The following POC5 variants were observed in gnomAD, a reference collection of about 807,000 sequenced individuals.
POC5 encodes POC5 centriolar protein.
In POC5, 48 loss-of-function variants were observed where a neutral mutation model predicts 62.9. That is an observed-to-expected ratio of 0.76 (90% CI 0.61 to 0.97). The LOEUF (loss-of-function observed/expected upper bound fraction) is 0.97. POC5 is among the 50% of genes least tolerant of loss of function. POC5 has a pLI of 0.00. For missense variants in POC5, 696 were observed against 679.5 expected (o/e 1.02, Z -0.27); for synonymous variants, 236 against 228.2 (o/e 1.03, Z -0.31).
chr5:75,688,233 C>G (rs936962020), intron 9 of POC5, among the ~76,000 whole-genome samples: 2 of 152,194 alleles, frequency 1.3e-5, no homozygotes, highest in Non-Finnish European at 2.9e-5. Context: ...TTAATAATTA[C>G]ATCATGACTA....
intron 4 of POC5, among the ~76,000 whole-genome samples, chr5:75,704,263 C>T (rs1326063657): frequency 2.6e-5 from 4 of 152,028 alleles, no homozygotes; most frequent in South Asian, 2.1e-4. Context: ...ACATTTGCTA[C>T]GAGCATCCTA....
At chr5:75,678,282 T>C (rs1450242542) in intron 10 of POC5, among the ~76,000 whole-genome samples, 1 of 152,094 alleles carries the variant, frequency 6.6e-6, no homozygotes, top group Admixed American at 6.6e-5. Context: ...CTGCCATGGT[T>C]ACATCTGACA....
chr5:75,694,560 G>GT, intron 6 of POC5, 95 bp downstream of exon 6: 1 of 1,021,996 alleles, frequency 9.8e-7, no homozygotes. Context: ...GATAGAACCT[G>GT]TATCTTGTAT....
At chr5:75,707,627 T>TC (rs199533631) in intron 3 of POC5, 110 bp downstream of exon 3, 60,895 of 856,448 alleles carry the variant, frequency 0.071, 2,512 homozygotes, top group South Asian at 0.13. Context: ...TACACATAAA[T>TC]GGTTGAGAAG....
intron 1 of POC5, among the ~76,000 whole-genome samples, 187 bp from the exon 2 acceptor site, chr5:75,713,138 C>G (rs913004242): frequency 6.6e-6 from 1 of 152,210 alleles, no homozygotes; most frequent in Non-Finnish European, 1.5e-5. Flanking sequence ...AAGACCCAGT[C>G]CCAATATTAG....
intron 5 of POC5, among the ~76,000 whole-genome samples, chr5:75,695,353 AAAT>A (rs1485074615): frequency 1.1e-4 from 17 of 152,216 alleles, no homozygotes; most frequent in African/African-American, 4.1e-4. Context: ...TAAAAAGACC[AAAT>A]AATAATTTGT....
intron 10 of POC5, among the ~76,000 whole-genome samples, chr5:75,684,450 C>G (rs1210680740): frequency 1.2e-5 from 1 of 85,182 alleles, no homozygotes; most frequent in African/African-American, 3.6e-5. Flanking sequence ...ACTGCAACTT[C>G]GCCTCCGGGG....
rs761696164 is a variant in POC5, at chr5:75,685,485, C to T, written c.1130-1G>A. The T allele has an allele frequency of 1.7e-5, 28 of 1,602,202 alleles. No homozygotes were observed. Among genetic ancestry groups the T allele is most frequent in the Non-Finnish European group, 2.3e-5 (27 of 1,170,632 alleles). On this transcript the variant is annotated splice_acceptor_variant, in intron 9 of 11. Coordinates refer to ENST00000428202, the MANE Select transcript of POC5 (RefSeq NM_001099271.2). LOFTEE classifies it high-confidence loss of function. ...TTTTTATTATTTGTGGAGTCTATCC[C>T]TATAAATCACAAATTAATTCCATTC...
rs1197453942 is a variant in POC5 at position 75,674,394 on chromosome 5, G to A, written c.*41C>T. 1 of 1,597,370 alleles carries A rather than the reference G, an allele frequency of 6.3e-7. No homozygotes were observed. The highest frequency in any genetic ancestry group is 8.6e-7 in the Non-Finnish European group (1 of 1,168,452). ...CCAAAAGACTTCTAACCCTTGGTAAGACCAGAGGGATTAAAAGACCCCACT... is the reference window on the plus strand; with the variant it reads ...CCAAAAGACTTCTAACCCTTGGTAAAACCAGAGGGATTAAAAGACCCCACT... On this transcript the variant is annotated 3_prime_UTR_variant, in exon 12 of 12. Transcript: ENST00000428202.
At chr5:75,697,314 G>A (rs545291196) in intron 5 of POC5, among the ~76,000 whole-genome samples, 1 of 151,906 alleles carries the variant, frequency 6.6e-6, no homozygotes, top group African/African-American at 2.4e-5. Flanking sequence ...GAGAAAGGTC[G>A]GGTTACCCTC....
At chr5:75,699,764 G>A (rs548234053) in intron 5 of POC5, among the ~76,000 whole-genome samples, 2 of 146,080 alleles carry the variant, frequency 1.4e-5, no homozygotes, top group Non-Finnish European at 3.0e-5. Context: ...ATTAGGAAAA[G>A]AGGAAGTCAA....
chr5:75,678,694 T>A lies in POC5; in HGVS notation c.1408-744A>T, dbSNP rs540155201. 2.0e-5 allele frequency among the ~76,000 whole-genome samples: 3 copies of A among 152,332 alleles called. No homozygotes were observed. The East Asian group carries it at 5.8e-4, about 29-fold the overall frequency. On this transcript the variant is annotated intron_variant, in intron 10 of 11. Coordinates refer to ENST00000428202, the MANE Select transcript of POC5 (RefSeq NM_001099271.2). ...CAACATACTACTTTGTCTTTCTTTT[T>A]CTATTACATTTAGCACATTTTGCAA...
chr5:75,696,990 A>G (rs1170698081), intron 5 of POC5, among the ~76,000 whole-genome samples: 1 of 152,070 alleles, frequency 6.6e-6, no homozygotes, highest in South Asian at 2.1e-4. Flanking sequence ...TGAAGCAAGA[A>G]GGGAAGTTTA....
At chr5:75,701,464 G>T (rs1171864944) in intron 5 of POC5, among the ~76,000 whole-genome samples, 2 of 137,968 alleles carry the variant, frequency 1.4e-5, no homozygotes, top group African/African-American at 5.2e-5. Flanking sequence ...GTAAACTATC[G>T]CAAGAACAAA....
At chr5:75,701,450 C>G (rs1466122567) in intron 5 of POC5, among the ~76,000 whole-genome samples, 1 of 137,732 alleles carries the variant, frequency 7.3e-6, no homozygotes, top group Non-Finnish European at 1.6e-5. Context: ...AATCATCATT[C>G]TCAGTAAACT....
intron 2 of POC5, chr5:75,712,154 CT>C (rs753827243): frequency 1.1e-4 from 24 of 221,876 alleles, no homozygotes; most frequent in Non-Finnish European, 1.7e-4. Context: ...TAAAGCTTTT[CT>C]CATATCGTAC....
At chr5:75,713,000 A>G in intron 1 of POC5, 49 bp from the exon 2 acceptor site, 1 of 1,339,264 alleles carries the variant, frequency 7.5e-7, no homozygotes, top group Non-Finnish European at 1.0e-6. Flanking sequence ...TATTTAAGAT[A>G]AAATCCTTTC....
chr5:75,716,844 C>G (rs1742607694), intron 1 of POC5, among the ~76,000 whole-genome samples: 1 of 152,170 alleles, frequency 6.6e-6, no homozygotes, highest in Admixed American at 6.5e-5. Context: ...AAACTAGCAG[C>G]AGGGTGATGT....
intron 5 of POC5, among the ~76,000 whole-genome samples, chr5:75,702,172 G>T (rs533271461): frequency 6.6e-6 from 1 of 152,048 alleles, no homozygotes; most frequent in South Asian, 2.1e-4. Flanking sequence ...GGGGGTGGAG[G>T]GTAAGGGGAG....
Sources: gnomAD v4.1 joint callset for allele counts (sites outside exome capture counted in the v4.1 genomes callset) on GRCh38, gnomAD v4.1.1 for gene constraint, MANE v1.5 for transcripts, NCBI Gene and HGNC (gene_info 2026-07-23, HGNC 2026-07-21) for gene names.